CRBN: variants seen among roughly 807,000 people sequenced by gnomAD.
The protein encoded by CRBN is protein cereblon.
CRBN carries 53 observed loss-of-function variants against 62.2 expected under a neutral mutation model. The observed-to-expected ratio is 0.85, with a 90% confidence interval of 0.68 to 1.07. The LOEUF (loss-of-function observed/expected upper bound fraction) is 1.07. CRBN is among the 50% of genes least tolerant of loss of function. The pLI, the probability that CRBN is intolerant of heterozygous loss-of-function variation, is 0.00. For synonymous variants in CRBN, 208 were observed against 176.1 expected, an observed-to-expected ratio of 1.18 and a Z score of -1.43; for missense variants, 616 against 531.1, an observed-to-expected ratio of 1.16 and a Z score of -1.57.
At chr3:3,163,111 G>A (rs992164254) in intron 5 of CRBN, among the ~76,000 whole-genome samples, 10 of 152,300 alleles carry the variant, frequency 6.6e-5, no homozygotes, top group African/African-American at 2.4e-4. Context: ...AACAGAGTTT[G>A]TAGGTCACTT....
At chr3:3,172,964 T>C (rs1287142976) in intron 3 of CRBN, 39 bp from the exon 4 acceptor site, 2 of 1,564,756 alleles carry the variant, frequency 1.3e-6, no homozygotes, top group South Asian at 2.2e-5. Context: ...TTTTGAACAT[T>C]TGAGTTTTAA....
intron 5 of CRBN, 109 bp from the exon 6 acceptor site, chr3:3,156,390 T>G: frequency 1.1e-6 from 1 of 922,892 alleles, no homozygotes; most frequent in Non-Finnish European, 1.7e-6. Flanking sequence ...CATCTAATTT[T>G]AAAAAGATAA....
intron 4 of CRBN, 130 bp downstream of exon 4, chr3:3,172,646 C>A: frequency 1.0e-6 from 1 of 957,116 alleles, no homozygotes; most frequent in Non-Finnish European, 1.7e-6. Context: ...CTGGGCTATA[C>A]CTTAGAAGGG....
At chr3:3,158,770 A>T (rs539207167) in intron 5 of CRBN, among the ~76,000 whole-genome samples, 1 of 152,322 alleles carries the variant, frequency 6.6e-6, no homozygotes, top group Middle Eastern at 3.4e-3. Context: ...AGGAGCTAGG[A>T]TCTGTATACA....
chr3:3,173,089 G>A (rs995887573), intron 3 of CRBN, among the ~76,000 whole-genome samples, 164 bp from the exon 4 acceptor site: 4 of 152,090 alleles, frequency 2.6e-5, no homozygotes, highest in Admixed American at 2.0e-4. Context: ...ATGGAGTCTC[G>A]CTGCGTTGCC....
At chr3:3,158,704 CAG>C (rs1373853257) in intron 5 of CRBN, among the ~76,000 whole-genome samples, 3 of 152,114 alleles carry the variant, frequency 2.0e-5, no homozygotes, top group Non-Finnish European at 4.4e-5. Context: ...AGTAAGGAAA[CAG>C]AGGCACACAA....
chr3:3,174,074 G>A lies in CRBN; in HGVS notation c.362C>T (p.Ala121Val). Residue 121 changes from alanine (A) to valine (V), a missense_variant, in exon 3 of 11, where the codon GCT becomes GTT. Physicochemically the swap from Ala to Val is moderately conservative, Grantham distance 64 (BLOSUM62 0). Transcript: ENST00000231948. ...RNLIQKDRTF[A>V]VLAYSNVQER... ...AATATTTTACCTGTATGCAAGAACA[G>A]CAAAGGTTCTATCTTTCTGAATTAA... The A allele has an allele frequency of 5.6e-6, 9 of 1,613,992 alleles. No homozygotes were observed. The highest frequency in any genetic ancestry group is 7.6e-6 in the Non-Finnish European group (9 of 1,179,872).
At chr3:3,163,410 C>A (rs1258156589) in intron 5 of CRBN, among the ~76,000 whole-genome samples, 1 of 152,064 alleles carries the variant, frequency 6.6e-6, no homozygotes, top group African/African-American at 2.4e-5. Context: ...CTTCTTTGGT[C>A]TTCCCAGCTC....
At chr3:3,171,147 TG>T (rs1160756533) in intron 4 of CRBN, among the ~76,000 whole-genome samples, 1 of 152,190 alleles carries the variant, frequency 6.6e-6, no homozygotes, top group Non-Finnish European at 1.5e-5. Context: ...TTCCTTGTCT[TG>T]TTTTCAGAGT....
intron 6 of CRBN, 190 bp downstream of exon 6, chr3:3,156,029 C>T: frequency 3.5e-6 from 2 of 579,620 alleles, no homozygotes; most frequent in Middle Eastern, 4.8e-4. Context: ...GTCTTGAATG[C>T]CTGGCTTCAA....
intron 5 of CRBN, chr3:3,156,687 G>A: frequency 4.8e-6 from 1 of 206,246 alleles, no homozygotes. Context: ...CTTTAAATGA[G>A]AATCAGCTGA....
rs540359400 is a variant in CRBN, at chr3:3,166,315, T to G, written c.687+1319A>C. Among the ~76,000 whole-genome samples the G allele has an allele frequency of 1.3e-5, 2 of 152,296 alleles. 1 individual carries two copies. The highest frequency in any genetic ancestry group is 4.8e-5 in the African/African-American group (2 of 41,560). On this transcript the variant is annotated intron_variant, in intron 5 of 10. Coordinates refer to ENST00000231948, the MANE Select transcript of CRBN (RefSeq NM_016302.4). Reference sequence around the variant, plus strand: ...CAAGTTCTTTTTCCCTGCTGCCATCTATGTAAGACGTGACTTGCTCTTCCT... The same window carrying G: ...CAAGTTCTTTTTCCCTGCTGCCATCGATGTAAGACGTGACTTGCTCTTCCT...
chr3:3,167,544 G>A, intron 5 of CRBN, 90 bp downstream of exon 5: 1 of 1,289,398 alleles, frequency 7.8e-7, no homozygotes, highest in Non-Finnish European at 1.1e-6. Flanking sequence ...GCTGGGTAAT[G>A]AATCATGAAA....
intron 7 of CRBN, chr3:3,154,546 C>T (rs1453528710): frequency 7.0e-6 from 4 of 571,968 alleles, no homozygotes. Flanking sequence ...TTGGAGTGCT[C>T]ACAGAATATG....
intron 1 of CRBN, among the ~76,000 whole-genome samples, chr3:3,175,961 T>G (rs1707810922): frequency 1.3e-5 from 2 of 152,202 alleles, no homozygotes; most frequent in African/African-American, 4.8e-5. Context: ...TATTATGAAC[T>G]ATTCCTGCTG....
chr3:3,169,426 A>G (rs1707507175), intron 4 of CRBN, among the ~76,000 whole-genome samples: 1 of 152,094 alleles, frequency 6.6e-6, no homozygotes, highest in Admixed American at 6.6e-5. Context: ...TTCAAGGAAC[A>G]TTAAGTTGAG....
chr3:3,166,931 A>G (rs1441936600), intron 5 of CRBN, among the ~76,000 whole-genome samples: 2 of 144,482 alleles, frequency 1.4e-5, no homozygotes, highest in African/African-American at 2.4e-5. Flanking sequence ...CTGTCTTTCC[A>G]TATTAAAAAA....
At chr3:3,170,900 G>A (rs1409329839) in intron 4 of CRBN, among the ~76,000 whole-genome samples, 1 of 152,108 alleles carries the variant, frequency 6.6e-6, no homozygotes, top group Non-Finnish European at 1.5e-5. Flanking sequence ...CTGCCTCCCG[G>A]GTTCAAGCGA....
intron 1 of CRBN, 38 bp from the exon 2 acceptor site, chr3:3,175,307 G>A (rs1394817889): frequency 7.3e-7 from 1 of 1,372,702 alleles, no homozygotes; most frequent in Non-Finnish European, 1.0e-6. Flanking sequence ...AAAAAAAGAT[G>A]AATGAAAACC....
Sources: allele counts gnomAD v4.1 joint callset (sites outside exome capture counted in the v4.1 genomes callset), GRCh38; gene constraint gnomAD v4.1.1; transcripts MANE v1.5; gene names NCBI Gene and HGNC (gene_info 2026-07-23, HGNC 2026-07-21).